The following P2RY8 variants were observed in gnomAD, a reference collection of about 807,000 sequenced individuals.
P2RY8 encodes S-geranylgeranyl-glutathione receptor P2RY8.
Under a neutral mutation model 10.0 loss-of-function variants are expected in P2RY8, and 6 were observed. The observed-to-expected ratio is 0.60, with a 90% CI of 0.33 to 1.19. The LOEUF is 1.19. P2RY8 is among the 50% of genes most tolerant of loss of function. The probability of loss-of-function intolerance (pLI) is 0.04; values close to 1 mark genes in which losing one functional copy is unlikely to be tolerated. For missense variants in P2RY8, 456 were observed against 542.0 expected, an observed-to-expected ratio of 0.84 and a Z score of 1.58; for synonymous variants, 276 against 252.5, an observed-to-expected ratio of 1.09 and a Z score of -0.88.
rs1225274481 is a variant in P2RY8 at position 1,524,645 on chromosome X, A to ACATCCATGCATCCATC, written c.-25+12275_-25+12276insGATGGATGCATGGATG. Among the ~76,000 whole-genome samples, 67 of 42,210 alleles carry ACATCCATGCATCCATC rather than the reference A, an allele frequency of 1.6e-3. 4 individuals carry two copies. Among genetic ancestry groups the ACATCCATGCATCCATC allele is most frequent in the African/African-American group, 2.4e-3 (25 of 10,388 alleles). The allele number at this position is 42,210 out of a possible 152,430, so 27.7% of individuals were successfully genotyped here. A position where few individuals can be genotyped will look rare whatever the true frequency, so the allele number is the denominator to read the frequency against. ...TCCATTCATCCATCCATCCATCCAT[A>ACATCCATGCATCCATC]CATCCATCCATCCATCCATCCATTC... On this transcript the variant is annotated intron_variant, in intron 1 of 1. Coordinates refer to ENST00000381297, the MANE Select transcript of P2RY8 (RefSeq NM_178129.5).
At chrX:1,488,763 T>A (rs1465177246) in intron 1 of P2RY8, among the ~76,000 whole-genome samples, 4 of 150,076 alleles carry the variant, frequency 2.7e-5, no homozygotes, top group Admixed American at 6.6e-5. Context: ...TGTGTGTGTG[T>A]GATACAGGAC....
intron 1 of P2RY8, among the ~76,000 whole-genome samples, chrX:1,476,981 G>A (rs1429167409): frequency 6.6e-6 from 1 of 152,096 alleles, no homozygotes; most frequent in East Asian, 1.9e-4. Context: ...CTGAGGTCAG[G>A]AGTTTGAGAC....
At chrX:1,520,759 TCCCAATAATCTCCCTGATC>T (rs1267480236) in intron 1 of P2RY8, among the ~76,000 whole-genome samples, 2 of 150,226 alleles carry the variant, frequency 1.3e-5, no homozygotes, top group African/African-American at 4.9e-5. Context: ...TCTTCTTGTC[TCCCAATAATCTCCCTGATC>T]CCCAATAATC....
At chrX:1,530,578 ATC>A (rs1221132894) in intron 1 of P2RY8, among the ~76,000 whole-genome samples, 2 of 150,586 alleles carry the variant, frequency 1.3e-5, no homozygotes, top group Non-Finnish European at 3.0e-5. Context: ...TGATTGATCT[ATC>A]TCTCTATCAT....
rs2091676418 is a variant in P2RY8, at chrX:1,466,379, G to A, written c.180C>T (p.Ile60=). The A allele has an allele frequency of 4.3e-6, 7 of 1,613,766 alleles. No individual in the cohort carries two copies. Among genetic ancestry groups the A allele is most frequent in the Non-Finnish European group, 5.1e-6 (6 of 1,179,860 alleles). The change falls in exon 2 of 2, where the codon ATC becomes ATT. Residue 60 remains isoleucine, a synonymous_variant. Coordinates refer to ENST00000381297, the MANE Select transcript of P2RY8 (RefSeq NM_178129.5). The part of the protein sequence containing the change: ...RRMGPRSPSV[I]FMINLSVTDL... The stretch of plus-strand genomic sequence containing the variant: ...CCGTGACGCTCAGGTTGATCATGAA[G>A]ATGACCGACGGGGATCTGGGCCCCA...
At chrX:1,474,567 G>C (rs1402084357) in intron 1 of P2RY8, among the ~76,000 whole-genome samples, 1 of 113,038 alleles carries the variant, frequency 8.8e-6, no homozygotes, top group African/African-American at 4.1e-5. Context: ...TGGATGGATG[G>C]ATGGATGGAT....
At chrX:1,473,133 G>GTGGA (rs770287240) in intron 1 of P2RY8, among the ~76,000 whole-genome samples, 66,542 of 129,508 alleles carry the variant, frequency 0.51, 18,512 homozygotes, top group South Asian at 0.64. Flanking sequence ...AGATGGATGG[G>GTGGA]TGGATGGATG....
chrX:1,465,360 C>G lies in P2RY8; in HGVS notation c.*119G>C. 2 of 1,474,440 alleles carry G rather than the reference C, an allele frequency of 1.4e-6. No individual in the cohort carries two copies. Among genetic ancestry groups the G allele is most frequent in the South Asian group, 2.7e-5 (2 of 73,822 alleles). 91.3% of individuals were successfully genotyped at this position (1,474,440 alleles called of 1,614,324 possible). On this transcript the variant is annotated 3_prime_UTR_variant, in exon 2 of 2. Coordinates refer to ENST00000381297, the MANE Select transcript of P2RY8 (RefSeq NM_178129.5). ...GCCTGGAGACCCTTCCCCACCGGGC[C>G]TCTGCAGTGCCTGGGAGCAACGCAG...
chrX:1,476,134 C>T (rs2149381224), intron 1 of P2RY8, among the ~76,000 whole-genome samples: 1 of 152,280 alleles, frequency 6.6e-6, no homozygotes, highest in East Asian at 1.9e-4. Flanking sequence ...AGGTATACAC[C>T]TGGTGCTGAC....
chrX:1,515,156 C>T (rs2092336309), intron 1 of P2RY8, among the ~76,000 whole-genome samples: 1 of 150,340 alleles, frequency 6.7e-6, no homozygotes, highest in Admixed American at 6.7e-5. Context: ...AACAATCCAC[C>T]CACCTCGGCC....
rs1256131194 is a variant in P2RY8 at position 1,462,992 on chromosome X, G to A, written c.*2487C>T. On this transcript the variant is annotated 3_prime_UTR_variant, in exon 2 of 2. Coordinates refer to ENST00000381297, the MANE Select transcript of P2RY8 (RefSeq NM_178129.5). ...ATCATACTGACAAAAAAAAAAAATCGACGCATTTTGCCTGCTTGCAACGTC... is the reference window on the plus strand; with the variant it reads ...ATCATACTGACAAAAAAAAAAAATCAACGCATTTTGCCTGCTTGCAACGTC... The A allele has an allele frequency of 8.7e-6, 2 of 230,470 alleles. No homozygotes were observed. Among genetic ancestry groups the A allele is most frequent in the Admixed American group, 5.7e-5 (1 of 17,552 alleles). The allele number at this position is 230,470 out of a possible 1,614,324, so 14.3% of individuals were successfully genotyped here.
At chrX:1,526,765 C>G (rs1432263784) in intron 1 of P2RY8, among the ~76,000 whole-genome samples, 12 of 152,174 alleles carry the variant, frequency 7.9e-5, no homozygotes, top group Non-Finnish European at 1.8e-4. Flanking sequence ...ACTTACTCAT[C>G]CATCCATTAA....
At chrX:1,483,488 G>C (rs1226576524) in intron 1 of P2RY8, among the ~76,000 whole-genome samples, 2 of 152,170 alleles carry the variant, frequency 1.3e-5, no homozygotes, top group South Asian at 2.1e-4. Context: ...TACAAAATTA[G>C]CCAGGCATGG....
intron 1 of P2RY8, among the ~76,000 whole-genome samples, chrX:1,475,518 G>C (rs2091864805): frequency 6.6e-6 from 1 of 152,022 alleles, no homozygotes; most frequent in Admixed American, 6.6e-5. Flanking sequence ...CACCACATCA[G>C]TGGTAATTAG....
intron 1 of P2RY8, among the ~76,000 whole-genome samples, chrX:1,473,731 G>GATGGGTGAGTAGATGGATGA: frequency 7.2e-6 from 1 of 139,240 alleles, no homozygotes; most frequent in African/African-American, 2.5e-5. Context: ...TGGGTGGATG[G>GATGGGTGAGTAGATGGATGA]GTGGGTGGAT....
At chrX:1,525,837 G>T (rs57282911) in intron 1 of P2RY8, among the ~76,000 whole-genome samples, 1 of 147,418 alleles carries the variant, frequency 6.8e-6, no homozygotes, top group African/African-American at 2.5e-5. Flanking sequence ...ATTTATTCAT[G>T]CATCCATTCA....
intron 1 of P2RY8, among the ~76,000 whole-genome samples, chrX:1,521,034 CTTT>C (rs1163534557): frequency 3.3e-5 from 2 of 61,040 alleles, no homozygotes; most frequent in Admixed American, 2.6e-4. Flanking sequence ...TTTTTCTTTT[CTTT>C]TTTTTTTTTT....
At chrX:1,486,050 C>G (rs2091983331) in intron 1 of P2RY8, among the ~76,000 whole-genome samples, 1 of 152,088 alleles carries the variant, frequency 6.6e-6, no homozygotes, top group Admixed American at 6.6e-5. Flanking sequence ...GAAACCCTGT[C>G]TTTACTAAAA....
At chrX:1,476,932 T>C in intron 1 of P2RY8, among the ~76,000 whole-genome samples, 1 of 152,072 alleles carries the variant, frequency 6.6e-6, no homozygotes, top group East Asian at 1.9e-4. Context: ...CTCACACCTG[T>C]AATCTCAGCA....
Sources: allele counts gnomAD v4.1 joint callset (sites outside exome capture counted in the v4.1 genomes callset), GRCh38; gene constraint gnomAD v4.1.1; transcripts MANE v1.5; gene names NCBI Gene and HGNC (gene_info 2026-07-23, HGNC 2026-07-21).